SCFD2: variants seen among roughly 807,000 people sequenced by gnomAD.
The protein encoded by SCFD2 is sec1 family domain containing 2, also known as sec1 family domain-containing protein 2.
In SCFD2, 54 loss-of-function variants were observed where a neutral mutation model predicts 58.9. The observed-to-expected ratio is 0.92, with a 90% CI of 0.74 to 1.15. SCFD2 has a LOEUF of 1.15. Ranked by LOEUF, SCFD2 falls within the 50% of genes most tolerant of loss-of-function variation. SCFD2 has a pLI of 0.00. For synonymous variants in SCFD2, 321 were observed against 335.9 expected (o/e 0.96, Z 0.49); for missense variants, 805 against 836.6 (o/e 0.96, Z 0.47).
At chr4:52,916,730 C>T (rs919566505) in intron 6 of SCFD2, among the ~76,000 whole-genome samples, 2 of 152,186 alleles carry the variant, frequency 1.3e-5, no homozygotes, top group East Asian at 3.9e-4. Context: ...ACAGGACACT[C>T]AGCTTTTGAA....
At chr4:52,886,185 G>A (rs1175489683) in intron 7 of SCFD2, among the ~76,000 whole-genome samples, 1 of 152,060 alleles carries the variant, frequency 6.6e-6, no homozygotes, top group Non-Finnish European at 1.5e-5. Context: ...TGTTTACACT[G>A]TCATGTCCAT....
At chr4:52,879,449 C>CG in intron 8 of SCFD2, among the ~76,000 whole-genome samples, 1 of 152,322 alleles carries the variant, frequency 6.6e-6, no homozygotes, top group East Asian at 1.9e-4. Flanking sequence ...GCAGGCAGTT[C>CG]TATCAAGGAA....
chr4:53,342,920 G>A (rs1318247945), intron 2 of SCFD2, among the ~76,000 whole-genome samples: 2 of 152,176 alleles, frequency 1.3e-5, no homozygotes, highest in Non-Finnish European at 2.9e-5. Context: ...TGAGAACAGA[G>A]ACACAACATA....
intron 4 of SCFD2, among the ~76,000 whole-genome samples, chr4:53,270,724 G>A (rs912415097): frequency 6.6e-5 from 10 of 152,132 alleles, no homozygotes; most frequent in Admixed American, 5.2e-4. Flanking sequence ...ATAAACATCT[G>A]GAAAACTGAA....
chr4:53,235,961 A>G (rs186582811), intron 4 of SCFD2, among the ~76,000 whole-genome samples: 2 of 152,336 alleles, frequency 1.3e-5, no homozygotes, highest in Admixed American at 1.3e-4. Context: ...GCAAATGGTT[A>G]GAGAAGTTGA....
chr4:52,897,192 T>C (rs1360655777), intron 7 of SCFD2, among the ~76,000 whole-genome samples: 2 of 152,228 alleles, frequency 1.3e-5, no homozygotes, highest in Non-Finnish European at 2.9e-5. Flanking sequence ...TCCAACACTA[T>C]GTTGAACAGG....
At chr4:52,911,922 A>T (rs1366563938) in intron 6 of SCFD2, among the ~76,000 whole-genome samples, 1 of 152,180 alleles carries the variant, frequency 6.6e-6, no homozygotes, top group Non-Finnish European at 1.5e-5. Context: ...AACAGGCAGG[A>T]ACTTGCTTCT....
chr4:53,320,096 C>A (rs1439031044), intron 2 of SCFD2, among the ~76,000 whole-genome samples: 1 of 152,202 alleles, frequency 6.6e-6, no homozygotes, highest in East Asian at 1.9e-4. Context: ...AACAACCTTT[C>A]AGGATAAGTA....
intron 5 of SCFD2, among the ~76,000 whole-genome samples, chr4:53,142,197 TG>T (rs1481076414): frequency 6.6e-6 from 1 of 152,194 alleles, no homozygotes; most frequent in Non-Finnish European, 1.5e-5. Context: ...ACCCTGTGTT[TG>T]TGATTTTCAG....
At chr4:53,162,870 T>A (rs1472506111) in intron 4 of SCFD2, among the ~76,000 whole-genome samples, 1 of 150,922 alleles carries the variant, frequency 6.6e-6, no homozygotes, top group Non-Finnish European at 1.5e-5. Flanking sequence ...TAAAATAAAA[T>A]AAAAAATAAA....
chr4:52,887,372 T>C (rs1464390665), intron 7 of SCFD2, among the ~76,000 whole-genome samples: 1 of 152,128 alleles, frequency 6.6e-6, no homozygotes, highest in Admixed American at 6.6e-5. Flanking sequence ...TATTCTTATA[T>C]ACTAAAATGA....
rs114106343 is a variant in SCFD2 at position 53,200,899 on chromosome 4, T to A, written c.1312-55317A>T. On this transcript the variant is annotated intron_variant, in intron 4 of 8. Coordinates refer to ENST00000401642, the MANE Select transcript of SCFD2 (RefSeq NM_152540.4). ...TTTTCACTAATTCATCAGAAATGTA[T>A]AAATCCATTCTAAAAATCAAAAGTT... is the stretch of plus-strand genomic sequence containing the variant. 1.5e-3 allele frequency among the ~76,000 whole-genome samples: 221 copies of A among 152,246 alleles called. 1 individual carries two copies. The highest frequency in any genetic ancestry group is 0.01 in the Middle Eastern group (3 of 294).
intron 3 of SCFD2, among the ~76,000 whole-genome samples, chr4:53,286,558 A>G (rs942865037): frequency 1.7e-4 from 26 of 151,712 alleles, no homozygotes; most frequent in African/African-American, 5.3e-4. Context: ...TATATACCCC[A>G]TGCTCCCTAG....
intron 5 of SCFD2, among the ~76,000 whole-genome samples, chr4:52,993,507 T>C (rs189254102): frequency 1.3e-5 from 2 of 152,380 alleles, no homozygotes; most frequent in East Asian, 3.8e-4. Flanking sequence ...AGGATGCATA[T>C]CTAGAAGCAG....
intron 4 of SCFD2, among the ~76,000 whole-genome samples, chr4:53,183,182 G>T (rs1727629740): frequency 6.6e-6 from 1 of 152,146 alleles, no homozygotes; most frequent in Admixed American, 6.5e-5. Flanking sequence ...AAATCATGCT[G>T]CTATAAAGAC....
intron 6 of SCFD2, among the ~76,000 whole-genome samples, chr4:52,915,340 T>G (rs1251533209): frequency 2.0e-5 from 3 of 152,182 alleles, no homozygotes; most frequent in African/African-American, 7.2e-5. Flanking sequence ...TTCTCCCTTT[T>G]CTGCAAAATT....
chr4:52,966,951 C>T (rs1720978318), intron 5 of SCFD2, among the ~76,000 whole-genome samples: 1 of 152,168 alleles, frequency 6.6e-6, no homozygotes, highest in African/African-American at 2.4e-5. Flanking sequence ...CTCTGGAACT[C>T]CTTTTCTTTT....
intron 2 of SCFD2, among the ~76,000 whole-genome samples, chr4:53,321,455 T>C (rs1383983): frequency 0.72 from 109,831 of 151,864 alleles, 39,937 homozygotes; most frequent in Middle Eastern, 0.8. Flanking sequence ...TGTGAACGCG[T>C]ACCATTATCT....
At chr4:53,147,201 A>T (rs1726359014) in intron 4 of SCFD2, among the ~76,000 whole-genome samples, 2 of 152,218 alleles carry the variant, frequency 1.3e-5, no homozygotes, top group Admixed American at 1.3e-4. Context: ...TATTGTGGAT[A>T]CAGTTTACAT....
Sources: allele counts gnomAD v4.1 joint callset (sites outside exome capture counted in the v4.1 genomes callset), GRCh38; gene constraint gnomAD v4.1.1; transcripts MANE v1.5; gene names NCBI Gene and HGNC (gene_info 2026-07-23, HGNC 2026-07-21).